Variants in CARS1 observed in about 807,000 individuals in gnomAD.
The protein encoded by CARS1 is cysteinyl-tRNA synthetase 1.
In CARS1, 48 loss-of-function variants were observed where a neutral mutation model predicts 106.2. The ratio of observed to expected loss-of-function variants is 0.45; its 90% CI spans 0.36 to 0.57. The LOEUF is 0.57. Ranked by LOEUF, CARS1 falls within the 20% of genes least tolerant of loss-of-function variation. The pLI, the probability that CARS1 is intolerant of heterozygous loss-of-function variation, is 0.00. For synonymous variants in CARS1, 409 were observed against 403.4 expected, an observed-to-expected ratio of 1.01 and a Z score of -0.17; for missense variants, 968 against 1,057.2, an observed-to-expected ratio of 0.92 and a Z score of 1.17.
chr11:3,051,174 C>T (rs1386301190), intron 1 of CARS1, among the ~76,000 whole-genome samples: 3 of 152,260 alleles, frequency 2.0e-5, no homozygotes, highest in Non-Finnish European at 4.4e-5. Context: ...CAGGGGCTTG[C>T]TTAGCAGGAG....
In CARS1 at chr11:3,005,403, C is replaced by T. The variant is rs766036181; in HGVS notation, c.2180G>A (p.Arg727Lys). 1 of 1,613,994 alleles carries T rather than the reference C, an allele frequency of 6.2e-7. No individual in the cohort carries two copies. Among genetic ancestry groups the T allele is most frequent in the Non-Finnish European group, 8.5e-7 (1 of 1,179,878 alleles). ...TTCTCTCTCTTTTAATAAGGTGTTT[C>T]TGTCTACCAGTTTCACCACTGTGGG... ...GLPTVVKLVDRNTLLKEREEK... is the reference protein window; with the variant it reads ...GLPTVVKLVDKNTLLKEREEK... Residue 727 changes from arginine (R) to lysine (K), a missense_variant, in exon 20 of 23, where the codon AGA becomes AAA. Arg to Lys is a conservative substitution (Grantham distance 26). Transcript: ENST00000380525.
rs114807881 is a variant in CARS1, at chr11:3,021,944, A to G, written c.1154-1612T>C. On this transcript the variant is annotated intron_variant, in intron 10 of 22. Transcript: ENST00000380525. This position sits in a 1 kb window ranked among gnomAD's most constrained non-coding sequence, Gnocchi z 5.3. ...ATTATGAACTTACTCATGAAAGTTT[A>G]TATCTGATTTTTTAAAAATACGCTT... Among the ~76,000 whole-genome samples the G allele has an allele frequency of 3.3e-3, 504 of 152,364 alleles. 2 individuals are homozygous for G. Among genetic ancestry groups the G allele is most frequent in the African/African-American group, 0.012 (484 of 41,584 alleles).
At chr11:3,047,039 AGGCCGAGGC>A (rs1855158868) in intron 2 of CARS1, among the ~76,000 whole-genome samples, 1 of 152,172 alleles carries the variant, frequency 6.6e-6, no homozygotes, top group Non-Finnish European at 1.5e-5. Context: ...GCACTTTGGG[AGGCCGAGGC>A]GGGTGGATCA....
rs900345961 is a variant in CARS1 at position 3,043,728 on chromosome 11, C to T, written c.275-1472G>A. On this transcript the variant is annotated intron_variant, in intron 2 of 22. Coordinates refer to ENST00000380525, the MANE Select transcript of CARS1 (RefSeq NM_001014437.3). This position sits in a 1 kb window ranked among gnomAD's most constrained non-coding sequence, Gnocchi z 4.0. ...GGGCACCAGCCATCTCTTGGCCTCC[C>T]GGCTCTAGCTCAGGCCACACGAGCC... 2.0e-5 allele frequency among the ~76,000 whole-genome samples: 3 copies of T among 152,236 alleles called. No individual in the cohort carries two copies. Among genetic ancestry groups the T allele is most frequent in the African/African-American group, 7.2e-5 (3 of 41,554 alleles).
In CARS1 at chr11:3,044,109, AC is replaced by A. The variant is rs1055909637; in HGVS notation, c.275-1854del. On this transcript the variant is annotated intron_variant, in intron 2 of 22. Coordinates refer to ENST00000380525, the MANE Select transcript of CARS1 (RefSeq NM_001014437.3). The surrounding 1 kb of genome is among the most constrained non-coding windows in gnomAD (Gnocchi z 4.4). ...CCCATCACTCTCCTCCCTCACAAAGACCCTGGAGCTCCTTCAATAGGACACT... is the reference window on the plus strand; with the variant it reads ...CCCATCACTCTCCTCCCTCACAAAGACCTGGAGCTCCTTCAATAGGACACT... 4.4e-4 allele frequency among the ~76,000 whole-genome samples: 67 copies of A among 152,194 alleles called. No individual in the cohort carries two copies. The highest frequency in any genetic ancestry group is 3.4e-3 in the Middle Eastern group (1 of 294).
At chr11:3,047,048 C>T (rs999942557) in intron 2 of CARS1, among the ~76,000 whole-genome samples, 2 of 152,060 alleles carry the variant, frequency 1.3e-5, no homozygotes, top group African/African-American at 2.4e-5. Flanking sequence ...GAGGCCGAGG[C>T]GGGTGGATCA....
In CARS1 at chr11:3,039,967, A is replaced by G; in HGVS notation, c.456-36T>C. On this transcript the variant is annotated intron_variant, in intron 4 of 22. Coordinates refer to ENST00000380525, the MANE Select transcript of CARS1 (RefSeq NM_001014437.3). The surrounding 1 kb of genome is among the most constrained non-coding windows in gnomAD (Gnocchi z 5.6). The stretch of plus-strand genomic sequence containing the variant: ...GAAAAAACAAACATTTCCACACCAG[A>G]CGATATGTATAGCTTAACCTCCAAC... 9.1e-7 allele frequency: 1 copy of G among 1,096,150 alleles called. No homozygotes were observed. The highest frequency in any genetic ancestry group is 1.4e-6 in the Non-Finnish European group (1 of 734,118). The allele number at this position is 1,096,150 out of a possible 1,614,324, so 67.9% of individuals were successfully genotyped here. A position where few individuals can be genotyped will look rare whatever the true frequency, so the allele number is the denominator to read the frequency against.
Position 3,022,822 on chromosome 11 carries a change from C to T in CARS1, c.1154-2490G>A, listed in dbSNP as rs1055936232. Among the ~76,000 whole-genome samples, 1 of 152,162 alleles carries T rather than the reference C, an allele frequency of 6.6e-6. No individual in the cohort carries two copies. Among genetic ancestry groups the T allele is most frequent in the Non-Finnish European group, 1.5e-5 (1 of 68,026 alleles). Reference sequence around the variant, plus strand: ...AGTGAGGAGCTGTCATCATCTAGGACCACTTGGGCCCCAGCATCACCCCTC... The same window carrying T: ...AGTGAGGAGCTGTCATCATCTAGGATCACTTGGGCCCCAGCATCACCCCTC... On this transcript the variant is annotated intron_variant, in intron 10 of 22. Coordinates refer to ENST00000380525, the MANE Select transcript of CARS1 (RefSeq NM_001014437.3). The surrounding 1 kb of genome is among the most constrained non-coding windows in gnomAD (Gnocchi z 4.9).
In CARS1 at chr11:3,020,768, C is replaced by T. The variant is rs1375951623; in HGVS notation, c.1154-436G>A. Among the ~76,000 whole-genome samples the T allele has an allele frequency of 6.6e-6, 1 of 152,134 alleles. No individual in the cohort carries two copies. The highest frequency in any genetic ancestry group is 2.4e-5 in the African/African-American group (1 of 41,420). Reference sequence around the variant, plus strand: ...GGGTGGGGTCAATATGTCAAGGGCCCGCACAACTATCTGCTTATGGGTCCC... The same window carrying T: ...GGGTGGGGTCAATATGTCAAGGGCCTGCACAACTATCTGCTTATGGGTCCC... On this transcript the variant is annotated intron_variant, in intron 10 of 22. Transcript: ENST00000380525. The surrounding 1 kb of genome is among the most constrained non-coding windows in gnomAD (Gnocchi z 4.6).
rs1018376371 is a variant in CARS1 at position 3,037,983 on chromosome 11, A to C, written c.801+67T>G. The C allele has an allele frequency of 3.2e-5, 47 of 1,453,682 alleles. No homozygotes were observed. Among genetic ancestry groups the C allele is most frequent in the Admixed American group, 2.3e-4 (12 of 52,018 alleles). 90.0% of individuals were successfully genotyped at this position (1,453,682 alleles called of 1,614,324 possible). A position where few individuals can be genotyped will look rare whatever the true frequency, so the allele number is the denominator to read the frequency against. ...ATCTGTGGAATCAATCCGTGCACAC[A>C]GATCAGTCTATGCACGGCCCGACAT... is the stretch of plus-strand genomic sequence containing the variant. On this transcript the variant is annotated intron_variant, in intron 7 of 22. Transcript: ENST00000380525. The surrounding 1 kb of genome is among the most constrained non-coding windows in gnomAD (Gnocchi z 5.9).
chr11:3,027,871 A>G (rs1319983651), intron 9 of CARS1: 4 of 454,080 alleles, frequency 8.8e-6, no homozygotes, highest in Middle Eastern at 6.2e-4. Context: ...AGACCGGGAA[A>G]GGGAGTCTCC....
Position 3,048,820 on chromosome 11 carries a change from A to ACCTGGCC in CARS1, c.26-826_26-820dup, listed in dbSNP as rs927910270. On this transcript the variant is annotated intron_variant, in intron 1 of 22. Coordinates refer to ENST00000380525, the MANE Select transcript of CARS1 (RefSeq NM_001014437.3). This position sits in a 1 kb window ranked among gnomAD's most constrained non-coding sequence, Gnocchi z 5.1. ...AAATGTGGCTGCTCCAGCCAGCCTC[A>ACCTGGCC]CCTGGCCCCTGGCCCCTGGCCCCAG... 2.5e-4 allele frequency among the ~76,000 whole-genome samples: 38 copies of ACCTGGCC among 152,290 alleles called. No individual in the cohort carries two copies. Among genetic ancestry groups the ACCTGGCC allele is most frequent in the African/African-American group, 7.7e-4 (32 of 41,570 alleles).
At chr11:3,009,656 GCCTCTCTCCTGGTC>G (rs1422788471) in intron 18 of CARS1, 4 of 152,320 alleles carry the variant, frequency 2.6e-5, no homozygotes, top group African/African-American at 9.6e-5. Context: ...TCACTTCAGT[GCCTCTCTCCTGGTC>G]AAACCCTGAA....
At position 3,004,222 on chromosome 11, in the gene CARS1, C is replaced by T. The variant is rs1156797446; in HGVS notation, c.2217+1144G>A. 2.6e-5 allele frequency among the ~76,000 whole-genome samples: 4 copies of T among 152,216 alleles called. No individual in the cohort carries two copies. Among genetic ancestry groups the T allele is most frequent in the African/African-American group, 7.2e-5 (3 of 41,452 alleles). ...TTCCCAACCTGCCAACCAGGATGGA[C>T]CTGCAGACCACTCACCACTGTCTAG... On this transcript the variant is annotated intron_variant, in intron 20 of 22. Coordinates refer to ENST00000380525, the MANE Select transcript of CARS1 (RefSeq NM_001014437.3). The surrounding 1 kb of genome is among the most constrained non-coding windows in gnomAD (Gnocchi z 5.2).
intron 18 of CARS1, chr11:3,007,320 G>C (rs1260155755): frequency 1.6e-5 from 5 of 303,520 alleles, no homozygotes; most frequent in East Asian, 1.4e-4. Context: ...GGTCAGGACA[G>C]GCCTGGGGGT....
Position 3,040,874 on chromosome 11 carries a change from G to A in CARS1, c.455+22C>T. Reference sequence around the variant, plus strand: ...CTGCGTGCAACTGCAGAAGCTGCAGGGACACCCCGCGGTGGACCTACCTGG... The same window carrying A: ...CTGCGTGCAACTGCAGAAGCTGCAGAGACACCCCGCGGTGGACCTACCTGG... On this transcript the variant is annotated intron_variant, in intron 4 of 22. Transcript: ENST00000380525. This position sits in a 1 kb window ranked among gnomAD's most constrained non-coding sequence, Gnocchi z 5.8. 1 of 1,610,016 alleles carries A rather than the reference G, an allele frequency of 6.2e-7. No individual in the cohort carries two copies. Among genetic ancestry groups the A allele is most frequent in the Middle Eastern group, 1.7e-4 (1 of 6,044 alleles).
rs1381440233 is a variant in CARS1, at chr11:3,045,960, T to C, written c.274+1793A>G. The stretch of plus-strand genomic sequence containing the variant: ...GCAGTCCCAGACTCCAGCTCCCACC[T>C]CCCCCTTCAGCCCCTGCTCAGTGTA... On this transcript the variant is annotated intron_variant, in intron 2 of 22. Coordinates refer to ENST00000380525, the MANE Select transcript of CARS1 (RefSeq NM_001014437.3). This position sits in a 1 kb window ranked among gnomAD's most constrained non-coding sequence, Gnocchi z 5.6. 6.6e-6 allele frequency among the ~76,000 whole-genome samples: 1 copy of C among 151,952 alleles called. No homozygotes were observed. Among genetic ancestry groups the C allele is most frequent in the East Asian group, 1.9e-4 (1 of 5,182 alleles).
At chr11:3,009,955 G>A (rs1408013210) in intron 18 of CARS1, among the ~76,000 whole-genome samples, 4 of 152,182 alleles carry the variant, frequency 2.6e-5, no homozygotes, top group Non-Finnish European at 4.4e-5. Context: ...ACGCTGCCCC[G>A]TCGGAAGGTC....
At chr11:3,042,396 C>T (rs1394896691) in intron 2 of CARS1, 140 bp from the exon 3 acceptor site, 5 of 604,730 alleles carry the variant, frequency 8.3e-6, no homozygotes, top group African/African-American at 3.7e-5. Context: ...ACACGAATCT[C>T]GGTCAACATT....
Sources: gnomAD v4.1 joint callset for allele counts (sites outside exome capture counted in the v4.1 genomes callset) on GRCh38, gnomAD v4.1.1 for gene constraint, Gnocchi (gnomAD v3.1) non-coding constraint, MANE v1.5 for transcripts, NCBI Gene and HGNC (gene_info 2026-07-23, HGNC 2026-07-21) for gene names.